The following COBL variants were observed in gnomAD, a reference collection of about 807,000 sequenced individuals.
The protein encoded by COBL is protein cordon-bleu.
A neutral mutation model predicts 98.8 loss-of-function variants in COBL; 51 were observed. The observed-to-expected ratio is 0.52, with a 90% CI of 0.41 to 0.65. The LOEUF is 0.65. Ranked by LOEUF, COBL falls within the 30% of genes least tolerant of loss-of-function variation. The probability of loss-of-function intolerance (pLI) is 0.00; values close to 1 mark genes in which losing one functional copy is unlikely to be tolerated. For synonymous variants in COBL, 634 were observed against 651.7 expected, an observed-to-expected ratio of 0.97 and a Z score of 0.41; for missense variants, 1,617 against 1,617.5, an observed-to-expected ratio of 1.00 and a Z score of 0.01.
chr7:51,207,436 G>C (rs1791849813), intron 2 of COBL, among the ~76,000 whole-genome samples: 1 of 152,020 alleles, frequency 6.6e-6, no homozygotes, highest in Non-Finnish European at 1.5e-5. Context: ...CTTGCCCCAT[G>C]GTCTCCCTCT....
chr7:51,026,366 C>T (rs1338839711), intron 11 of COBL, among the ~76,000 whole-genome samples, 180 bp downstream of exon 11: 1 of 152,210 alleles, frequency 6.6e-6, no homozygotes, highest in African/African-American at 2.4e-5. Flanking sequence ...CTGCCCCAGG[C>T]TCTTGGAGCA....
chr7:51,161,847 TA>T (rs66748112), intron 5 of COBL, among the ~76,000 whole-genome samples: 14,754 of 152,256 alleles, frequency 0.097, 933 homozygotes, highest in African/African-American at 0.17. Flanking sequence ...AAAGGCCTGC[TA>T]ATGACTGGTC....
intron 1 of COBL, among the ~76,000 whole-genome samples, chr7:51,228,411 AAG>A (rs1554438526): frequency 3.3e-5 from 5 of 151,616 alleles, no homozygotes; most frequent in African/African-American, 9.7e-5. Context: ...TTAAAAAAAA[AAG>A]AAGCAGGCCT....
At chr7:51,203,394 G>T (rs1181258084) in intron 2 of COBL, among the ~76,000 whole-genome samples, 2 of 111,548 alleles carry the variant, frequency 1.8e-5, no homozygotes, top group African/African-American at 8.9e-5. Flanking sequence ...CCCGGGAGGC[G>T]GAGCTTGCAG....
chr7:51,287,597 T>G (rs930951363), intron 1 of COBL, among the ~76,000 whole-genome samples: 1 of 152,212 alleles, frequency 6.6e-6, no homozygotes, highest in Non-Finnish European at 1.5e-5. Context: ...AAACACTTTA[T>G]GCATATAGTT....
chr7:51,043,718 T>TCAGCC (rs1255979210), intron 7 of COBL, 26 bp from the exon 8 acceptor site: 6 of 1,599,292 alleles, frequency 3.8e-6, no homozygotes, highest in Non-Finnish European at 4.3e-6. Context: ...CAAGGACAGG[T>TCAGCC]CAGCCCAAAC....
At chr7:51,086,095 ACTCTC>A (rs1478912578) in intron 6 of COBL, among the ~76,000 whole-genome samples, 1 of 151,684 alleles carries the variant, frequency 6.6e-6, no homozygotes, top group Non-Finnish European at 1.5e-5. Flanking sequence ...ACATAATCCT[ACTCTC>A]CTCTCCTCCT....
intron 2 of COBL, among the ~76,000 whole-genome samples, chr7:51,199,564 A>G (rs905123954): frequency 2.0e-5 from 3 of 152,232 alleles, no homozygotes; most frequent in Non-Finnish European, 4.4e-5. Flanking sequence ...TACAGATTTT[A>G]AAACTAAATG....
chr7:51,309,401 T>G (rs1563153275), intron 1 of COBL, among the ~76,000 whole-genome samples: 1 of 152,098 alleles, frequency 6.6e-6, no homozygotes, highest in Admixed American at 6.5e-5. Context: ...GAGGTGGGCT[T>G]TTAGATAGGA....
At chr7:51,094,060 A>C (rs1248253622) in intron 6 of COBL, among the ~76,000 whole-genome samples, 3 of 151,832 alleles carry the variant, frequency 2.0e-5, no homozygotes, top group African/African-American at 7.2e-5. Flanking sequence ...AAAAAGAAGA[A>C]AATTCTGTGA....
In COBL at chr7:51,115,458, A is replaced by G. The variant is rs182798266; in HGVS notation, c.957+20700T>C. 6.4e-4 allele frequency among the ~76,000 whole-genome samples: 98 copies of G among 152,188 alleles called. 1 individual carries two copies. The Middle Eastern group carries it at 0.014, about 21-fold the overall frequency. ...CTGTAGCTAGATCCCACAAATTTTAATATATTGTATATTTTTTCCTTCAGT... is the reference window on the plus strand; with the variant it reads ...CTGTAGCTAGATCCCACAAATTTTAGTATATTGTATATTTTTTCCTTCAGT... On this transcript the variant is annotated intron_variant, in intron 6 of 12. Transcript: ENST00000265136.
At chr7:51,168,904 T>C (rs1265685328) in intron 5 of COBL, among the ~76,000 whole-genome samples, 1 of 152,176 alleles carries the variant, frequency 6.6e-6, no homozygotes, top group Non-Finnish European at 1.5e-5. Context: ...TGGTACATAT[T>C]GTAAACCAAA....
At chr7:51,266,083 G>A (rs1479219594) in intron 1 of COBL, among the ~76,000 whole-genome samples, 2 of 152,046 alleles carry the variant, frequency 1.3e-5, no homozygotes, top group Admixed American at 6.5e-5. Context: ...GATGTTTTAA[G>A]TAATTAGTGA....
chr7:51,094,899 G>C (rs1054620196), intron 6 of COBL, among the ~76,000 whole-genome samples: 5 of 152,172 alleles, frequency 3.3e-5, no homozygotes, highest in Admixed American at 1.3e-4. Context: ...AAGGAAAACA[G>C]CTTTTGTATG....
At chr7:51,217,064 A>G (rs780504715) in intron 2 of COBL, among the ~76,000 whole-genome samples, 26 of 152,242 alleles carry the variant, frequency 1.7e-4, no homozygotes, top group Non-Finnish European at 3.4e-4. Flanking sequence ...GCTTCAGGAA[A>G]CCATGAGAAG....
chr7:51,191,139 T>G, intron 3 of COBL, 61 bp from the exon 4 acceptor site: 139 of 1,440,086 alleles, frequency 9.7e-5, no homozygotes, highest in Middle Eastern at 1.7e-4. Context: ...CCTTCAACTC[T>G]TGTGTCAATT....
At chr7:51,135,546 C>A (rs775744457) in intron 6 of COBL, among the ~76,000 whole-genome samples, 2 of 152,076 alleles carry the variant, frequency 1.3e-5, no homozygotes, top group Non-Finnish European at 2.9e-5. Flanking sequence ...GTATCTGCTG[C>A]TATAACTTTT....
chr7:51,307,209 C>T (rs1802560342), intron 1 of COBL, among the ~76,000 whole-genome samples: 2 of 151,986 alleles, frequency 1.3e-5, no homozygotes, highest in Admixed American at 6.6e-5. Flanking sequence ...ATTAGCCAGG[C>T]GTGGTGGTGC....
chr7:51,310,210 A>G (rs1365497658), intron 1 of COBL, among the ~76,000 whole-genome samples: 2 of 152,234 alleles, frequency 1.3e-5, no homozygotes, highest in Non-Finnish European at 2.9e-5. Flanking sequence ...TGTGTCTGGC[A>G]GCACTGGCAG....
Sources: allele counts gnomAD v4.1 joint callset (sites outside exome capture counted in the v4.1 genomes callset), GRCh38; gene constraint gnomAD v4.1.1; transcripts MANE v1.5; gene names NCBI Gene and HGNC (gene_info 2026-07-23, HGNC 2026-07-21).